C8orf34: variants seen among roughly 807,000 people sequenced by gnomAD.
C8orf34 encodes the protein uncharacterized protein C8orf34.
C8orf34 carries 65 observed loss-of-function variants against 68.3 expected under a neutral mutation model. That is an observed-to-expected ratio of 0.95 (90% CI 0.78 to 1.17). C8orf34 has a LOEUF of 1.17. Among genes scored for constraint, C8orf34 ranks in the 50% most tolerant of loss-of-function variants. C8orf34 has a pLI of 0.00. For missense variants in C8orf34, 664 were observed against 655.4 expected, an observed-to-expected ratio of 1.01 and a Z score of -0.14; for synonymous variants, 244 against 241.2, an observed-to-expected ratio of 1.01 and a Z score of -0.11.
At chr8:68,701,594 A>G (rs1043690892) in intron 8 of C8orf34, among the ~76,000 whole-genome samples, 1 of 151,864 alleles carries the variant, frequency 6.6e-6, no homozygotes, top group Non-Finnish European at 1.5e-5. Flanking sequence ...TTTGTTGACC[A>G]CACTCGTCTT....
At chr8:68,467,965 G>C (rs1586202493) in intron 3 of C8orf34, among the ~76,000 whole-genome samples, 1 of 151,570 alleles carries the variant, frequency 6.6e-6, no homozygotes, top group East Asian at 1.9e-4. Flanking sequence ...ACATTTAATG[G>C]GCCCTTTAAA....
intron 8 of C8orf34, among the ~76,000 whole-genome samples, chr8:68,668,690 G>C (rs1819915995): frequency 6.6e-6 from 1 of 152,172 alleles, no homozygotes; most frequent in Admixed American, 6.5e-5. Flanking sequence ...GTATCCTAAT[G>C]AGCCAGACTG....
Position 68,818,273 on chromosome 8 carries a change from C to T in C8orf34, c.*27C>T. 1 of 1,610,296 alleles carries T rather than the reference C, an allele frequency of 6.2e-7. No individual in the cohort carries two copies. The highest frequency in any genetic ancestry group is 8.5e-7 in the Non-Finnish European group (1 of 1,177,474). ...ACAGAGAGAAGAAGTTGCAAGTGGTCCTTAAAGAAATGCAGTTATTCAAAT... is the reference window on the plus strand; with the variant it reads ...ACAGAGAGAAGAAGTTGCAAGTGGTTCTTAAAGAAATGCAGTTATTCAAAT... On this transcript the variant is annotated 3_prime_UTR_variant, in exon 14 of 14. Transcript: ENST00000518698.
intron 1 of C8orf34, among the ~76,000 whole-genome samples, chr8:68,420,530 G>GGC (rs888215021): frequency 1.2e-4 from 18 of 148,388 alleles, no homozygotes; most frequent in Non-Finnish European, 2.1e-4. Context: ...TGCAACATGT[G>GGC]GCACACACAC....
At chr8:68,730,509 A>G (rs1042869696) in intron 10 of C8orf34, among the ~76,000 whole-genome samples, 1 of 152,108 alleles carries the variant, frequency 6.6e-6, no homozygotes, top group African/African-American at 2.4e-5. Flanking sequence ...AAGGATGAAA[A>G]TATTTGCCCA....
intron 3 of C8orf34, among the ~76,000 whole-genome samples, chr8:68,467,700 T>C (rs1180414099): frequency 1.3e-5 from 2 of 151,986 alleles, no homozygotes; most frequent in Admixed American, 6.6e-5. Context: ...TGAAAAACAA[T>C]GCTTTTGCAA....
chr8:68,700,392 G>C (rs913793892), intron 8 of C8orf34, among the ~76,000 whole-genome samples: 2 of 152,060 alleles, frequency 1.3e-5, no homozygotes, highest in East Asian at 1.9e-4. Context: ...GAGCGAGACG[G>C]AGTTAAATGG....
At chr8:68,356,882 T>C (rs188565539) in intron 1 of C8orf34, among the ~76,000 whole-genome samples, 3 of 152,260 alleles carry the variant, frequency 2.0e-5, no homozygotes, top group Non-Finnish European at 4.4e-5. Context: ...ATATAACGCC[T>C]GCTGTTCCTT....
At position 68,494,832 on chromosome 8, in the gene C8orf34, G is replaced by T. The variant is rs527733583; in HGVS notation, c.765+6781G>T. 2.6e-5 allele frequency among the ~76,000 whole-genome samples: 4 copies of T among 151,024 alleles called. No individual in the cohort carries two copies. In the East Asian group the frequency reaches 7.8e-4, roughly 29 times the overall value. ...GATCACGCTACTACACTCCAGCCTG[G>T]GTGACAGAGTGAGACTCCATCTCAA... On this transcript the variant is annotated intron_variant, in intron 5 of 13. Transcript: ENST00000518698.
At chr8:68,668,232 G>A (rs1036163079) in intron 8 of C8orf34, among the ~76,000 whole-genome samples, 31 of 151,826 alleles carry the variant, frequency 2.0e-4, no homozygotes, top group Admixed American at 1.8e-3. Flanking sequence ...TTGGTTCTAA[G>A]TACCAAGTTG....
At chr8:68,755,935 C>A (rs956291402) in intron 10 of C8orf34, among the ~76,000 whole-genome samples, 1 of 151,640 alleles carries the variant, frequency 6.6e-6, no homozygotes, top group Non-Finnish European at 1.5e-5. Flanking sequence ...GGCGTGATGG[C>A]GGGCGCCTGT....
intron 1 of C8orf34, among the ~76,000 whole-genome samples, chr8:68,370,280 T>G (rs748150293): frequency 6.6e-6 from 1 of 152,188 alleles, no homozygotes; most frequent in Non-Finnish European, 1.5e-5. Context: ...AATATTCCTG[T>G]TGGTCAAAAC....
chr8:68,575,824 C>G (rs1366991821), intron 7 of C8orf34, among the ~76,000 whole-genome samples: 3 of 151,910 alleles, frequency 2.0e-5, no homozygotes, highest in Non-Finnish European at 4.4e-5. Context: ...CAAGTATTAT[C>G]ATTGGCTCCT....
intron 6 of C8orf34, among the ~76,000 whole-genome samples, chr8:68,532,106 A>G (rs11986007): frequency 0.56 from 85,831 of 151,944 alleles, 24,784 homozygotes; most frequent in African/African-American, 0.69. Context: ...TGCTAGGAGA[A>G]CTGAGTGGCG....
intron 4 of C8orf34, among the ~76,000 whole-genome samples, chr8:68,486,071 A>G (rs1022373984): frequency 1.3e-5 from 2 of 152,212 alleles, no homozygotes; most frequent in Non-Finnish European, 2.9e-5. Context: ...GACATAAGCC[A>G]TTTAGTATCC....
chr8:68,797,807 C>T (rs1294823901), intron 12 of C8orf34, among the ~76,000 whole-genome samples: 1 of 152,078 alleles, frequency 6.6e-6, no homozygotes, highest in Non-Finnish European at 1.5e-5. Context: ...GTCAGGGCTT[C>T]ATGAGGATTG....
chr8:68,628,560 C>T (rs989892497), intron 7 of C8orf34, among the ~76,000 whole-genome samples: 1 of 152,112 alleles, frequency 6.6e-6, no homozygotes, highest in African/African-American at 2.4e-5. Flanking sequence ...ATAATTCACT[C>T]AGAATATATA....
At position 68,604,459 on chromosome 8, in the gene C8orf34, A is replaced by T. The variant is rs186182074; in HGVS notation, c.1106-35917A>T. On this transcript the variant is annotated intron_variant, in intron 7 of 13. Transcript: ENST00000518698. ...AGAAAACAAGTAAAATAAAGTACAAACAAGTTCTAGATGAACAACAAATTA... is the reference window on the plus strand; with the variant it reads ...AGAAAACAAGTAAAATAAAGTACAATCAAGTTCTAGATGAACAACAAATTA... 5.9e-5 allele frequency among the ~76,000 whole-genome samples: 9 copies of T among 152,276 alleles called. No individual in the cohort carries two copies. In the East Asian group the frequency reaches 1.5e-3, roughly 26 times the overall value.
chr8:68,377,762 A>T (rs909385769), intron 1 of C8orf34, among the ~76,000 whole-genome samples: 1 of 152,146 alleles, frequency 6.6e-6, no homozygotes, highest in African/African-American at 2.4e-5. Context: ...TCACGCTGCT[A>T]TGAAAACATA....
Sources: gnomAD v4.1 joint callset for allele counts (sites outside exome capture counted in the v4.1 genomes callset) on GRCh38, gnomAD v4.1.1 for gene constraint, MANE v1.5 for transcripts, NCBI Gene and HGNC (gene_info 2026-07-23, HGNC 2026-07-21) for gene names.